The following POLB variants were observed in gnomAD, a reference collection of about 807,000 sequenced individuals.
POLB encodes DNA polymerase beta.
POLB carries 37 observed loss-of-function variants against 52.7 expected under a neutral mutation model. That is an observed-to-expected ratio of 0.70 (90% CI 0.54 to 0.92). The LOEUF (loss-of-function observed/expected upper bound fraction) is 0.92, where lower values mean the gene tolerates loss of function less well. Ranked by LOEUF, POLB falls within the 40% of genes least tolerant of loss-of-function variation. The pLI is 0.00. For synonymous variants in POLB, 138 were observed against 131.3 expected (o/e 1.05, Z -0.35); for missense variants, 313 against 400.8 (o/e 0.78, Z 1.87).
intron 9 of POLB, chr8:42,357,772 G>A (rs1217145335): frequency 2.6e-5 from 4 of 154,754 alleles, no homozygotes; most frequent in South Asian, 1.7e-4. Flanking sequence ...CTCTCGCCAC[G>A]CTGGAGTGCA....
intron 9 of POLB, chr8:42,361,086 G>A: frequency 1.5e-6 from 1 of 685,796 alleles, no homozygotes. Flanking sequence ...AATTACTGTT[G>A]TCATCACAGA....
chr8:42,369,829 C>G lies in POLB; in HGVS notation c.774-20C>G. On this transcript the variant is annotated intron_variant, in intron 12 of 13. Coordinates refer to ENST00000265421, the MANE Select transcript of POLB (RefSeq NM_002690.3). ...TGAAATGCATGGTAAAAAAATGTAT[C>G]TACTGTCCATTTTTTTTAGGTTGAT... 6.5e-7 allele frequency: 1 copy of G among 1,538,108 alleles called. No individual in the cohort carries two copies. The highest frequency in any genetic ancestry group is 8.8e-7 in the Non-Finnish European group (1 of 1,136,448).
Position 42,369,337 on chromosome 8 carries a change from T to G in POLB, c.773+2T>G. 6.4e-7 allele frequency: 1 copy of G among 1,553,278 alleles called. No individual in the cohort carries two copies. Among genetic ancestry groups the G allele is most frequent in the Non-Finnish European group, 8.9e-7 (1 of 1,127,316 alleles). ...TCCACACAGAAGAATTGATATCAGG[T>G]ATTGTTCAGACTTTGTTGCTGACCT... On this transcript the variant is annotated splice_donor_variant, in intron 12 of 13. Transcript: ENST00000265421. LOFTEE classifies it high-confidence loss of function.
Position 42,338,565 on chromosome 8 carries a change from C to T in POLB, c.-60C>T. 6.8e-7 allele frequency: 1 copy of T among 1,461,762 alleles called. No homozygotes were observed. The highest frequency in any genetic ancestry group is 9.6e-7 in the Non-Finnish European group (1 of 1,041,700). The allele number at this position is 1,461,762 out of a possible 1,614,324, so 90.5% of individuals were successfully genotyped here. On this transcript the variant is annotated 5_prime_UTR_variant, in exon 1 of 14. Transcript: ENST00000265421. The stretch of plus-strand genomic sequence containing the variant: ...TCCAAGTCCTGGTACCTCCTTCAAG[C>T]TGGGAGAGGGCTCTAGTCCCTGGTT...
chr8:42,355,983 TAAATTTAAA>T (rs1468677844), intron 7 of POLB, among the ~76,000 whole-genome samples: 1 of 152,140 alleles, frequency 6.6e-6, no homozygotes, highest in Non-Finnish European at 1.5e-5. Flanking sequence ...TATGAAAAAC[TAAATTTAAA>T]AAAAGGACAA....
At chr8:42,363,871 A>G (rs1823873232) in intron 11 of POLB, among the ~76,000 whole-genome samples, 1 of 152,138 alleles carries the variant, frequency 6.6e-6, no homozygotes, top group Non-Finnish European at 1.5e-5. Context: ...CAGATTAATA[A>G]ATGATTCTGT....
rs540277993 is a variant in POLB, at chr8:42,346,897, T to A, written c.186+1878T>A. Among the ~76,000 whole-genome samples the A allele has an allele frequency of 2.0e-3, 301 of 152,302 alleles. 3 individuals carry two copies. In the Middle Eastern group the frequency reaches 0.024, roughly 12 times the overall value. Reference sequence around the variant, plus strand: ...GTTCTCAGCATCAGTATATCCTCCTTAAATAGACTAGCCAAGTAAGTTATA... The same window carrying A: ...GTTCTCAGCATCAGTATATCCTCCTAAAATAGACTAGCCAAGTAAGTTATA... On this transcript the variant is annotated intron_variant, in intron 3 of 13. Transcript: ENST00000265421.
intron 6 of POLB, chr8:42,354,390 T>C (rs1437070704): frequency 1.1e-5 from 11 of 1,034,926 alleles, no homozygotes; most frequent in African/African-American, 3.3e-5. Flanking sequence ...TTTTGAAGCA[T>C]GCTTATCTTG....
chr8:42,348,274 A>G (rs1822756528), intron 3 of POLB, among the ~76,000 whole-genome samples: 1 of 152,232 alleles, frequency 6.6e-6, no homozygotes, highest in Non-Finnish European at 1.5e-5. Flanking sequence ...ATGAAAAGAC[A>G]GGATCTCTGC....
chr8:42,344,893 A>T, intron 2 of POLB, 60 bp from the exon 3 acceptor site: 1 of 962,936 alleles, frequency 1.0e-6, no homozygotes, highest in Non-Finnish European at 1.7e-6. Flanking sequence ...ATTCCAGTTT[A>T]AGAAAAATTA....
At position 42,357,196 on chromosome 8, in the gene POLB, T is replaced by A; in HGVS notation, c.450T>A (p.Ile150=). ...LKYFGDFEKR[I]PREEMLQMQD... ...ATTTTGGGGACTTTGAAAAAAGAATTCCTCGTGAAGAGATGTTACAAATGC... is the reference window on the plus strand; with the variant it reads ...ATTTTGGGGACTTTGAAAAAAGAATACCTCGTGAAGAGATGTTACAAATGC... The change falls in exon 8 of 14, where the codon ATT becomes ATA. Residue 150 remains isoleucine, a synonymous_variant. Coordinates refer to ENST00000265421, the MANE Select transcript of POLB (RefSeq NM_002690.3). 1 of 1,559,870 alleles carries A rather than the reference T, an allele frequency of 6.4e-7. No individual in the cohort carries two copies. The highest frequency in any genetic ancestry group is 8.8e-7 in the Non-Finnish European group (1 of 1,131,838).
intron 11 of POLB, among the ~76,000 whole-genome samples, chr8:42,364,565 C>T (rs1823923561): frequency 6.6e-6 from 1 of 152,080 alleles, no homozygotes; most frequent in Non-Finnish European, 1.5e-5. Flanking sequence ...TGTTCTGTCA[C>T]TTATATACAT....
At chr8:42,362,275 A>C (rs1032153082) in intron 10 of POLB, among the ~76,000 whole-genome samples, 2 of 151,468 alleles carry the variant, frequency 1.3e-5, no homozygotes, top group African/African-American at 2.4e-5. Context: ...AAATAAAATA[A>C]AATAAAATAA....
chr8:42,355,836 T>C (rs1823278319), intron 7 of POLB, among the ~76,000 whole-genome samples: 2 of 152,204 alleles, frequency 1.3e-5, no homozygotes, highest in South Asian at 4.1e-4. Flanking sequence ...TAGGACTGAG[T>C]GTATCAGGCA....
chr8:42,364,751 G>C (rs1176791048), intron 11 of POLB, among the ~76,000 whole-genome samples: 1 of 152,156 alleles, frequency 6.6e-6, no homozygotes, highest in Non-Finnish European at 1.5e-5. Context: ...AAATTGTCAT[G>C]TCATTCAGAA....
In POLB at chr8:42,346,155, C is replaced by G. The variant is rs150254388; in HGVS notation, c.186+1136C>G. ...CAGGCTGGTCTCAAACTCCTGACTT[C>G]AGGTGATCCACTGCCTTGAGCCTCC... On this transcript the variant is annotated intron_variant, in intron 3 of 13. Transcript: ENST00000265421. Among the ~76,000 whole-genome samples, 750 of 152,200 alleles carry G rather than the reference C, an allele frequency of 4.9e-3. 14 individuals are homozygous for G. Among genetic ancestry groups the G allele is most frequent in the African/African-American group, 0.017 (707 of 41,542 alleles).
chr8:42,360,820 C>T (rs1172488105), intron 9 of POLB, among the ~76,000 whole-genome samples: 2 of 151,906 alleles, frequency 1.3e-5, no homozygotes, highest in African/African-American at 4.8e-5. Flanking sequence ...CTGGGCTCAG[C>T]GATCCTCTGG....
intron 6 of POLB, among the ~76,000 whole-genome samples, chr8:42,353,211 C>T (rs1272187124): frequency 1.1e-4 from 16 of 147,874 alleles, no homozygotes; most frequent in Admixed American, 9.4e-4. Context: ...CAGGTTCATG[C>T]CATTCTCCTG....
At chr8:42,345,081 CCAAACCAAACTTG>C in intron 3 of POLB, 62 bp downstream of exon 3, 1 of 1,073,684 alleles carries the variant, frequency 9.3e-7, no homozygotes, top group Non-Finnish European at 1.4e-6. Flanking sequence ...TGGGTTCCCA[CCAAACCAAACTTG>C]CCTGTCTGAA....
Sources: allele counts gnomAD v4.1 joint callset (sites outside exome capture counted in the v4.1 genomes callset), GRCh38; gene constraint gnomAD v4.1.1; transcripts MANE v1.5; gene names NCBI Gene and HGNC (gene_info 2026-07-23, HGNC 2026-07-21).